LINGO2: variants seen among roughly 807,000 people sequenced by gnomAD.
LINGO2 encodes the protein leucine-rich repeat and immunoglobulin-like domain-containing nogo receptor-interacting protein 2.
LINGO2 carries 14 observed loss-of-function variants against 30.6 expected under a neutral mutation model. The ratio of observed to expected loss-of-function variants is 0.46; its 90% CI spans 0.30 to 0.72. LINGO2 has a LOEUF of 0.72. Among genes scored for constraint, LINGO2 ranks in the 30% least tolerant of loss-of-function variants. LINGO2 has a pLI of 0.07. For missense variants in LINGO2, 729 were observed against 751.7 expected, an observed-to-expected ratio of 0.97 and a Z score of 0.35; for synonymous variants, 317 against 288.5, an observed-to-expected ratio of 1.10 and a Z score of -1.00.
At chr9:28,181,902 A>T (rs2133714750) in intron 4 of LINGO2, among the ~76,000 whole-genome samples, 1 of 152,296 alleles carries the variant, frequency 6.6e-6, no homozygotes, top group East Asian at 1.9e-4. Flanking sequence ...GTAATTTATA[A>T]ATTCAATGCT....
At chr9:28,521,440 T>G (rs1820826285) in intron 1 of LINGO2, among the ~76,000 whole-genome samples, 1 of 152,110 alleles carries the variant, frequency 6.6e-6, no homozygotes, top group Admixed American at 6.6e-5. Context: ...GGAAGTGGGT[T>G]TGTAAGCCAT....
the LINGO2 span, among the ~76,000 whole-genome samples, chr9:28,715,215 A>T: frequency 6.6e-6 from 1 of 152,150 alleles, no homozygotes; most frequent in Non-Finnish European, 1.5e-5. Context: ...AGGATATATT[A>T]TTCTAGTAAA....
intron 2 of LINGO2, among the ~76,000 whole-genome samples, chr9:28,473,039 A>G (rs1197259927): frequency 6.6e-6 from 1 of 152,000 alleles, no homozygotes; most frequent in Non-Finnish European, 1.5e-5. Context: ...TGAGACTTTA[A>G]TTTTCCATGT....
chr9:29,190,882 T>G, the LINGO2 span, among the ~76,000 whole-genome samples: 1 of 152,172 alleles, frequency 6.6e-6, no homozygotes. Flanking sequence ...TGATTTCCAG[T>G]GCTAATCATA....
chr9:28,012,502 C>G (rs573984623), intron 4 of LINGO2: 7 of 152,048 alleles, frequency 4.6e-5, no homozygotes, highest in Non-Finnish European at 7.4e-5. Flanking sequence ...CTGCCAAGGT[C>G]CATTCAACGG....
intron 4 of LINGO2, among the ~76,000 whole-genome samples, chr9:28,082,846 A>C (rs1825809963): frequency 6.6e-6 from 1 of 152,028 alleles, no homozygotes; most frequent in Admixed American, 6.6e-5. Flanking sequence ...TCAGTCGGTA[A>C]AATCAGAGCC....
chr9:28,178,701 T>C (rs566028390), intron 4 of LINGO2, among the ~76,000 whole-genome samples: 1 of 152,270 alleles, frequency 6.6e-6, no homozygotes, highest in South Asian at 2.1e-4. Context: ...TGTGCTATTT[T>C]CATAGCTGAG....
intron 1 of LINGO2, among the ~76,000 whole-genome samples, chr9:28,615,163 T>C (rs72715219): frequency 0.011 from 1,611 of 152,202 alleles, 18 homozygotes; most frequent in Middle Eastern, 0.02. Context: ...CGAGAATGTG[T>C]ATGTTGAGAA....
chr9:29,066,991 G>A, the LINGO2 span, among the ~76,000 whole-genome samples: 1 of 151,750 alleles, frequency 6.6e-6, no homozygotes, highest in Non-Finnish European at 1.5e-5. Flanking sequence ...GTCTAACAGT[G>A]TACTGGAATA....
At chr9:28,898,089 C>A in the LINGO2 span, among the ~76,000 whole-genome samples, 1 of 152,018 alleles carries the variant, frequency 6.6e-6, no homozygotes. Context: ...ACCTGCATTT[C>A]TAACAATTTA....
intron 3 of LINGO2, among the ~76,000 whole-genome samples, chr9:28,323,084 C>G (rs1016392439): frequency 2.0e-5 from 3 of 152,136 alleles, no homozygotes; most frequent in African/African-American, 7.2e-5. Context: ...GTGTTAAAAT[C>G]TGGTGTATAA....
chr9:28,706,294 C>T, the LINGO2 span, among the ~76,000 whole-genome samples: 1 of 152,026 alleles, frequency 6.6e-6, no homozygotes, highest in South Asian at 2.1e-4. Context: ...ACTGCATAAA[C>T]AACAAAGGCA....
intron 1 of LINGO2, among the ~76,000 whole-genome samples, chr9:28,551,574 G>T (rs1822284805): frequency 6.6e-6 from 1 of 151,844 alleles, no homozygotes; most frequent in South Asian, 2.1e-4. Context: ...TAATTCAGTG[G>T]TTGTACACAA....
the LINGO2 span, among the ~76,000 whole-genome samples, chr9:28,759,089 G>A: frequency 1.3e-5 from 2 of 152,002 alleles, no homozygotes; most frequent in Non-Finnish European, 2.9e-5. Flanking sequence ...GTTGCTGTCA[G>A]TGACCCAGTA....
At chr9:28,733,596 G>T in the LINGO2 span, among the ~76,000 whole-genome samples, 2 of 152,056 alleles carry the variant, frequency 1.3e-5, no homozygotes, top group African/African-American at 4.8e-5. Context: ...CACCTTGAAA[G>T]CATGATTCCT....
At chr9:28,404,521 A>G (rs1822412661) in intron 2 of LINGO2, among the ~76,000 whole-genome samples, 1 of 152,156 alleles carries the variant, frequency 6.6e-6, no homozygotes, top group African/African-American at 2.4e-5. Flanking sequence ...GTACCATAAA[A>G]TGTATGTGAT....
At chr9:29,142,352 C>A in the LINGO2 span, among the ~76,000 whole-genome samples, 2 of 151,492 alleles carry the variant, frequency 1.3e-5, no homozygotes, top group Non-Finnish European at 3.0e-5. Context: ...TATCTTGAGA[C>A]AAAACAAAAA....
chr9:28,033,316 A>G (rs1310128769), intron 4 of LINGO2, among the ~76,000 whole-genome samples: 1 of 152,154 alleles, frequency 6.6e-6, no homozygotes, highest in Non-Finnish European at 1.5e-5. Context: ...GGGGTGGGGC[A>G]AGAGTCAGTA....
At chr9:28,346,778 G>A (rs1406700835) in intron 3 of LINGO2, among the ~76,000 whole-genome samples, 1 of 146,412 alleles carries the variant, frequency 6.8e-6, no homozygotes, top group East Asian at 2.0e-4. Context: ...TTTCTCTAAT[G>A]ATTAGTGATA....
Sources: allele counts gnomAD v4.1 joint callset (sites outside exome capture counted in the v4.1 genomes callset), GRCh38; gene constraint gnomAD v4.1.1; transcripts MANE v1.5; gene names NCBI Gene and HGNC (gene_info 2026-07-23, HGNC 2026-07-21).